The following TM9SF2 variants were observed in gnomAD, a reference collection of about 807,000 sequenced individuals.
TM9SF2 encodes the protein 76 kDa membrane protein.
Under a neutral mutation model 84.9 loss-of-function variants are expected in TM9SF2, and 13 were observed. That is an observed-to-expected ratio of 0.15 (90% CI 0.10 to 0.24). The LOEUF is 0.24. Ranked by LOEUF, TM9SF2 falls within the 10% of genes least tolerant of loss-of-function variation. The pLI is 1.00. For synonymous variants in TM9SF2, 273 were observed against 285.8 expected, an observed-to-expected ratio of 0.96 and a Z score of 0.45; for missense variants, 562 against 818.5, an observed-to-expected ratio of 0.69 and a Z score of 3.82.
At chr13:99,522,359 A>T (rs1214607907) in intron 3 of TM9SF2, among the ~76,000 whole-genome samples, 2 of 152,174 alleles carry the variant, frequency 1.3e-5, no homozygotes, top group Non-Finnish European at 2.9e-5. Context: ...CTACCCTAAA[A>T]TTGCCAGTAA....
At position 99,541,500 on chromosome 13, in the gene TM9SF2, G is replaced by C. The variant is rs74112266; in HGVS notation, c.909-59G>C. The C allele has an allele frequency of 4.2e-3, 5,327 of 1,255,838 alleles. 166 individuals are homozygous for C. The African/African-American group carries it at 0.068, about 16-fold the overall frequency. The allele number at this position is 1,255,838 out of a possible 1,614,324, so 77.8% of individuals were successfully genotyped here. The stretch of plus-strand genomic sequence containing the variant: ...GTTACTCAATAAACAGTTTTTAAAA[G>C]AGTTTTACTGTTCCTAGGATTAAGC... On this transcript the variant is annotated intron_variant, in intron 8 of 16. Transcript: ENST00000376387.
At chr13:99,536,353 G>A (rs560561339) in intron 4 of TM9SF2, among the ~76,000 whole-genome samples, 1 of 150,554 alleles carries the variant, frequency 6.6e-6, no homozygotes, top group African/African-American at 2.4e-5. Context: ...GCTGTACCTG[G>A]TTGTGATCAA....
chr13:99,537,051 A>G (rs1407921245), intron 5 of TM9SF2, among the ~76,000 whole-genome samples: 1 of 152,198 alleles, frequency 6.6e-6, no homozygotes, highest in African/African-American at 2.4e-5. Flanking sequence ...TAGAGTGTCA[A>G]AAAAGGCTTC....
intron 1 of TM9SF2, among the ~76,000 whole-genome samples, chr13:99,510,893 C>T (rs1261539610): frequency 6.6e-6 from 1 of 152,102 alleles, no homozygotes; most frequent in Admixed American, 6.5e-5. Flanking sequence ...ACTTTGTGGG[C>T]ATTAAATACA....
At chr13:99,530,241 G>A (rs1034291487) in intron 4 of TM9SF2, among the ~76,000 whole-genome samples, 1 of 152,140 alleles carries the variant, frequency 6.6e-6, no homozygotes, top group Non-Finnish European at 1.5e-5. Context: ...TGGCTAACAC[G>A]ATGAAACCCC....
intron 7 of TM9SF2, 113 bp downstream of exon 7, chr13:99,539,670 G>A: frequency 2.8e-6 from 2 of 721,496 alleles, no homozygotes; most frequent in Non-Finnish European, 4.7e-6. Flanking sequence ...CTATTAATGA[G>A]CTGATTTTTA....
At chr13:99,559,213 G>A in intron 15 of TM9SF2, 150 bp from the exon 16 acceptor site, 1 of 616,020 alleles carries the variant, frequency 1.6e-6, no homozygotes, top group Non-Finnish European at 2.5e-6. Flanking sequence ...AGTGGAATGG[G>A]TGAAGTTCAA....
intron 6 of TM9SF2, among the ~76,000 whole-genome samples, chr13:99,538,521 A>G (rs1468263347): frequency 6.6e-6 from 1 of 152,020 alleles, no homozygotes; most frequent in African/African-American, 2.4e-5. Context: ...TTAGCCAGGC[A>G]CAGTGGCTCG....
chr13:99,507,269 C>T (rs1230893012), intron 1 of TM9SF2, among the ~76,000 whole-genome samples: 2 of 152,232 alleles, frequency 1.3e-5, no homozygotes, highest in South Asian at 2.1e-4. Flanking sequence ...GAGCACTCTT[C>T]TTCTTGTTTG....
chr13:99,509,174 C>T lies in TM9SF2; in HGVS notation c.171+7397C>T, dbSNP rs573205572. On this transcript the variant is annotated intron_variant, in intron 1 of 16. Coordinates refer to ENST00000376387, the MANE Select transcript of TM9SF2 (RefSeq NM_004800.3). ...GCCTTGGGCAGCTCCACCATTGTAG[C>T]TTTACAAGGTTCAACCCCCACAGCT... 2.6e-5 allele frequency among the ~76,000 whole-genome samples: 4 copies of T among 152,330 alleles called. No individual in the cohort carries two copies. The South Asian group carries it at 8.3e-4, about 32-fold the overall frequency.
At chr13:99,536,554 C>T (rs2046235413) in intron 4 of TM9SF2, 54 bp from the exon 5 acceptor site, 1 of 1,580,484 alleles carries the variant, frequency 6.3e-7, no homozygotes, top group Non-Finnish European at 8.6e-7. Context: ...GGCAGTAATT[C>T]TTTGTCATGT....
At chr13:99,536,213 T>A (rs1384735700) in intron 4 of TM9SF2, among the ~76,000 whole-genome samples, 1 of 152,162 alleles carries the variant, frequency 6.6e-6, no homozygotes, top group African/African-American at 2.4e-5. Flanking sequence ...AATAGTATTG[T>A]TAAATTAGCA....
intron 2 of TM9SF2, among the ~76,000 whole-genome samples, chr13:99,518,450 G>A (rs2046144303): frequency 6.6e-6 from 1 of 152,128 alleles, no homozygotes; most frequent in Admixed American, 6.6e-5. Flanking sequence ...TTTTCTCATT[G>A]AATACATTGT....
At chr13:99,527,516 A>G (rs2046189002) in intron 3 of TM9SF2, among the ~76,000 whole-genome samples, 2 of 152,166 alleles carry the variant, frequency 1.3e-5, no homozygotes, top group South Asian at 4.1e-4. Flanking sequence ...ACCGCCCCCC[A>G]TGATCTAATC....
chr13:99,525,193 GAA>G (rs2046177428), intron 3 of TM9SF2, among the ~76,000 whole-genome samples: 1 of 152,168 alleles, frequency 6.6e-6, no homozygotes, highest in South Asian at 2.1e-4. Context: ...CTGGCAGTGA[GAA>G]AAAGAGTGGA....
At chr13:99,550,079 C>T (rs140829611) in intron 12 of TM9SF2, among the ~76,000 whole-genome samples, 60 of 152,316 alleles carry the variant, frequency 3.9e-4, no homozygotes, top group African/African-American at 1.3e-3. Context: ...ACTGTGATTT[C>T]CTGCAGAATC....
chr13:99,534,432 C>G (rs1009435759), intron 4 of TM9SF2, among the ~76,000 whole-genome samples: 1 of 152,064 alleles, frequency 6.6e-6, no homozygotes, highest in African/African-American at 2.4e-5. Flanking sequence ...GGGTCACCTC[C>G]CTTTGTATGG....
intron 13 of TM9SF2, among the ~76,000 whole-genome samples, chr13:99,553,311 T>C (rs967110613): frequency 1.2e-4 from 19 of 152,374 alleles, no homozygotes; most frequent in Non-Finnish European, 2.4e-4. Context: ...CAGCCTCCAC[T>C]GCACTTTCAT....
chr13:99,521,572 A>G (rs764441898), intron 3 of TM9SF2, among the ~76,000 whole-genome samples: 11 of 151,872 alleles, frequency 7.2e-5, no homozygotes, highest in Non-Finnish European at 1.5e-4. Context: ...CATCTCACCA[A>G]CCGTCTTACT....
Sources: gnomAD v4.1 joint callset for allele counts (sites outside exome capture counted in the v4.1 genomes callset) on GRCh38, gnomAD v4.1.1 for gene constraint, MANE v1.5 for transcripts, NCBI Gene and HGNC (gene_info 2026-07-23, HGNC 2026-07-21) for gene names.